EXOC5: variants seen among roughly 807,000 people sequenced by gnomAD.
EXOC5 encodes the protein SEC10-like 1.
EXOC5 carries 17 observed loss-of-function variants against 90.8 expected under a neutral mutation model. The observed-to-expected ratio is 0.19, with a 90% CI of 0.13 to 0.28. The LOEUF (loss-of-function observed/expected upper bound fraction) is 0.28, where lower values mean the gene tolerates loss of function less well. Ranked by LOEUF, EXOC5 falls within the 10% of genes least tolerant of loss-of-function variation. The pLI, the probability that EXOC5 is intolerant of heterozygous loss-of-function variation, is 1.00. For missense variants in EXOC5, 569 were observed against 830.6 expected, an observed-to-expected ratio of 0.69 and a Z score of 3.87; for synonymous variants, 260 against 270.0, an observed-to-expected ratio of 0.96 and a Z score of 0.36.
At chr14:57,229,707 G>A (rs1484805090) in intron 12 of EXOC5, 27 bp downstream of exon 12, 4 of 1,432,724 alleles carry the variant, frequency 2.8e-6, no homozygotes, top group Non-Finnish European at 3.7e-6. Context: ...AACTGTATAT[G>A]TAAAATACAT....
chr14:57,219,535 A>G (rs2139618574), intron 13 of EXOC5, 93 bp from the exon 14 acceptor site: 1 of 962,750 alleles, frequency 1.0e-6, no homozygotes, highest in Non-Finnish European at 1.5e-6. Flanking sequence ...AATCTGTAAC[A>G]TAAAATAAAT....
rs1167971134 is a variant in EXOC5, at chr14:57,235,783, C to T, written c.597G>A (p.Glu199=). ...CACCTCTTCTTTGAGCACTGGTAAA[C>T]TCCTGAATCAGCTGGCATTCTAAAT... ...YHDLECQLIQ[E]FTSAQRRGEI... Residue 199 remains glutamate (E), a synonymous_variant, in exon 7 of 18, where the codon GAG becomes GAA. Coordinates refer to ENST00000621441, the MANE Select transcript of EXOC5 (RefSeq NM_006544.4). 1 of 1,559,948 alleles carries T rather than the reference C, an allele frequency of 6.4e-7. No homozygotes were observed.
chr14:57,213,166 T>G (rs1252291611), intron 15 of EXOC5, among the ~76,000 whole-genome samples: 1 of 152,080 alleles, frequency 6.6e-6, no homozygotes, highest in South Asian at 2.1e-4. Context: ...GAGGATCACT[T>G]GAGCCCAGGA....
intron 1 of EXOC5, among the ~76,000 whole-genome samples, chr14:57,251,260 G>A (rs770850702): frequency 2.0e-5 from 3 of 152,306 alleles, no homozygotes; most frequent in South Asian, 2.1e-4. Context: ...ACAGCTTGTA[G>A]GGGCCAGCAT....
chr14:57,201,467 T>C lies in EXOC5; in HGVS notation c.*7142A>G, dbSNP rs1040564725. 2 of 141,990 alleles carry C rather than the reference T, an allele frequency of 1.4e-5. No homozygotes were observed. Among genetic ancestry groups the C allele is most frequent in the African/African-American group, 5.8e-5 (2 of 34,498 alleles). 8.8% of individuals were successfully genotyped at this position (141,990 alleles called of 1,614,324 possible). A position where few individuals can be genotyped will look rare whatever the true frequency, so the allele number is the denominator to read the frequency against. ...GTGTGTATATATACACACGCGTGTATATGTACACACACGTGTATAAACACA... is the reference window on the plus strand; with the variant it reads ...GTGTGTATATATACACACGCGTGTACATGTACACACACGTGTATAAACACA... On this transcript the variant is annotated 3_prime_UTR_variant, in exon 18 of 18. Transcript: ENST00000621441.
intron 4 of EXOC5, among the ~76,000 whole-genome samples, chr14:57,242,476 C>A (rs915629304): frequency 2.6e-5 from 4 of 151,858 alleles, no homozygotes; most frequent in African/African-American, 9.7e-5. Flanking sequence ...ACTCCTAAGC[C>A]CAAGCAATCA....
At chr14:57,224,104 T>C (rs1883231439) in intron 12 of EXOC5, among the ~76,000 whole-genome samples, 5 of 151,758 alleles carry the variant, frequency 3.3e-5, no homozygotes, top group Admixed American at 2.6e-4. Flanking sequence ...CGCATTAGAT[T>C]AGGAAAGAAG....
intron 10 of EXOC5, 85 bp downstream of exon 10, chr14:57,232,581 TC>T: frequency 1.7e-6 from 1 of 593,264 alleles, no homozygotes; most frequent in East Asian, 3.0e-5. Context: ...ACAAACTTAT[TC>T]AAAAATACCT....
In EXOC5 at chr14:57,209,727, G is replaced by A. The variant is rs1401307242; in HGVS notation, c.1778C>T (p.Ser593Phe). Residue 593 changes from serine to phenylalanine, a missense_variant, in exon 17 of 18, where the codon TCC becomes TTC. Around this residue, in one of 9 missense-constraint regions of EXOC5, gnomAD observed 122 missense variants for 180.0 expected, o/e 0.68. Transcript: ENST00000621441. Reference protein sequence around the residue: ...VRKQVEKIKNSMDGKNVDTVL... With the variant: ...VRKQVEKIKNFMDGKNVDTVL... ...TGTATCCACATTCTTCCCATCCATG[G>A]AATTTTTAATCTTCTCCACTTGTTT... 1 of 1,612,860 alleles carries A rather than the reference G, an allele frequency of 6.2e-7. No individual in the cohort carries two copies. The highest frequency in any genetic ancestry group is 8.5e-7 in the Non-Finnish European group (1 of 1,179,380).
intron 1 of EXOC5, among the ~76,000 whole-genome samples, chr14:57,251,143 TGTG>T (rs1290003707): frequency 5.3e-5 from 8 of 152,102 alleles, no homozygotes; most frequent in Admixed American, 5.2e-4. Flanking sequence ...GACAAGAAAA[TGTG>T]GTAATTTTGG....
rs111447591 is a variant in EXOC5 at position 57,249,168 on chromosome 14, T to C, written c.28-1456A>G. Among the ~76,000 whole-genome samples, 357 of 152,286 alleles carry C rather than the reference T, an allele frequency of 2.3e-3. 2 individuals carry two copies. Among genetic ancestry groups the C allele is most frequent in the African/African-American group, 8.2e-3 (342 of 41,576 alleles). ...ACTTTATCATATTCAATATGTACTATGGTAAGTAGTAAGTCTACAAGGTAG... is the reference window on the plus strand; with the variant it reads ...ACTTTATCATATTCAATATGTACTACGGTAAGTAGTAAGTCTACAAGGTAG... On this transcript the variant is annotated intron_variant, in intron 1 of 17. Transcript: ENST00000621441.
chr14:57,244,091 G>C, intron 4 of EXOC5, 74 bp downstream of exon 4: 1 of 956,342 alleles, frequency 1.0e-6, no homozygotes, highest in Non-Finnish European at 1.6e-6. Flanking sequence ...ACTCTGGAAA[G>C]CAATTATTGC....
intron 5 of EXOC5, 184 bp downstream of exon 5, chr14:57,239,411 T>G (rs1883785989): frequency 2.3e-6 from 1 of 434,224 alleles, no homozygotes; most frequent in Admixed American, 4.3e-5. Context: ...GACTGTATTT[T>G]TTCAATAAAC....
intron 1 of EXOC5, among the ~76,000 whole-genome samples, chr14:57,253,111 G>A (rs1000797359): frequency 3.3e-5 from 5 of 152,108 alleles, no homozygotes; most frequent in African/African-American, 1.2e-4. Flanking sequence ...AGAGTAGATT[G>A]GTGGTTACCA....
At chr14:57,233,943 C>A in intron 8 of EXOC5, 45 bp downstream of exon 8, 1 of 1,592,718 alleles carries the variant, frequency 6.3e-7, no homozygotes, top group Non-Finnish European at 8.6e-7. Context: ...TTTAAAACAA[C>A]AATTAGCATA....
At position 57,268,728 on chromosome 14, in the gene EXOC5, G is replaced by A. The variant is rs972769981; in HGVS notation, c.-80C>T. ...TGCGCCTCAGAGGCGCGGCGCACAG[G>A]TCTCCGCTCGGCTCGCCAGCTCCGG... On this transcript the variant is annotated 5_prime_UTR_variant, in exon 1 of 18. Transcript: ENST00000621441. The A allele has an allele frequency of 8.6e-6, 13 of 1,514,456 alleles. No individual in the cohort carries two copies. Among genetic ancestry groups the A allele is most frequent in the Non-Finnish European group, 1.1e-5 (12 of 1,136,408 alleles). 93.8% of individuals were successfully genotyped at this position (1,514,456 alleles called of 1,614,324 possible).
intron 12 of EXOC5, among the ~76,000 whole-genome samples, chr14:57,226,484 C>T (rs1883311897): frequency 6.6e-6 from 1 of 152,040 alleles, no homozygotes; most frequent in Non-Finnish European, 1.5e-5. Context: ...AATGTAATTC[C>T]AATCAAAATC....
intron 1 of EXOC5, among the ~76,000 whole-genome samples, chr14:57,255,074 T>C (rs935322331): frequency 3.3e-5 from 5 of 151,926 alleles, no homozygotes; most frequent in African/African-American, 1.2e-4. Flanking sequence ...AGCAACCAAG[T>C]AGAAAAAATG....
intron 12 of EXOC5, among the ~76,000 whole-genome samples, chr14:57,223,451 T>C (rs1043604750): frequency 1.6e-4 from 24 of 152,230 alleles, no homozygotes; most frequent in African/African-American, 5.1e-4. Context: ...GAATTCCCAC[T>C]GATTATAAAT....
Sources: gnomAD v4.1 joint callset for allele counts (sites outside exome capture counted in the v4.1 genomes callset) on GRCh38, gnomAD v4.1.1 for gene constraint, gnomAD v4.1.1 regional missense constraint, MANE v1.5 for transcripts, NCBI Gene and HGNC (gene_info 2026-07-23, HGNC 2026-07-21) for gene names.